The following MAPRE3 variants were observed in gnomAD, a reference collection of about 807,000 sequenced individuals.
MAPRE3 encodes microtubule associated protein RP/EB family member 3, also known as microtubule-associated protein RP/EB family member 3.
Under a neutral mutation model 30.5 loss-of-function variants are expected in MAPRE3, and 2 were observed. The ratio of observed to expected loss-of-function variants is 0.07; its 90% confidence interval spans 0.03 to 0.21. The LOEUF is 0.21. Ranked by LOEUF, MAPRE3 falls within the 10% of genes least tolerant of loss-of-function variation. The pLI, the probability that MAPRE3 is intolerant of heterozygous loss-of-function variation, is 1.00. For synonymous variants in MAPRE3, 110 were observed against 127.7 expected, an observed-to-expected ratio of 0.86 and a Z score of 0.93; for missense variants, 204 against 351.8, an observed-to-expected ratio of 0.58 and a Z score of 3.36.
intron 1 of MAPRE3, among the ~76,000 whole-genome samples, chr2:27,020,590 G>A (rs571642316): frequency 1.1e-4 from 17 of 152,204 alleles, no homozygotes; most frequent in African/African-American, 2.9e-4. Context: ...GTTTCAGTGC[G>A]GGAGCATAGG....
chr2:27,022,240 A>C lies in MAPRE3; in HGVS notation c.22A>C (p.Thr8Pro), dbSNP rs1667123838. The C allele has an allele frequency of 6.2e-7, 1 of 1,614,016 alleles. No homozygotes were observed. The highest frequency in any genetic ancestry group is 8.5e-7 in the Non-Finnish European group (1 of 1,180,034). The change falls in exon 2 of 7, where the codon ACA (threonine) becomes CCA (proline). Residue 8 changes from threonine (T) to proline (P), a missense_variant. Physicochemically the swap from Thr to Pro is conservative, Grantham distance 38. Around this residue, in one of 5 missense-constraint regions of MAPRE3, gnomAD observed 101 missense variants for 205.4 expected, o/e 0.49. Coordinates refer to ENST00000233121, the MANE Select transcript of MAPRE3 (RefSeq NM_012326.4). MAVNVYS[T>P]SVTSENLSRH... ...GGGTATGGCCGTCAATGTGTACTCC[A>C]CATCTGTGACCAGTGAAAATCTGAG...
chr2:27,001,822 C>T (rs762904095), intron 1 of MAPRE3, among the ~76,000 whole-genome samples: 4 of 152,322 alleles, frequency 2.6e-5, no homozygotes, highest in Admixed American at 2.0e-4. Context: ...TGATGCGGTG[C>T]GTGACTGTGT....
intron 1 of MAPRE3, among the ~76,000 whole-genome samples, chr2:26,976,803 T>G (rs2148195849): frequency 6.6e-6 from 1 of 152,382 alleles, no homozygotes; most frequent in Admixed American, 6.5e-5. Flanking sequence ...TGGCTTCAAA[T>G]CTGCCTTGTA....
intron 1 of MAPRE3, among the ~76,000 whole-genome samples, chr2:26,981,079 G>A (rs1452642855): frequency 6.6e-6 from 1 of 152,078 alleles, no homozygotes; most frequent in Non-Finnish European, 1.5e-5. Flanking sequence ...GGGAGGGAGA[G>A]GGTTGGTGGG....
chr2:26,973,522 G>T (rs973603882), intron 1 of MAPRE3, among the ~76,000 whole-genome samples: 1 of 151,274 alleles, frequency 6.6e-6, no homozygotes, highest in East Asian at 1.9e-4. Context: ...AGTAACATTT[G>T]TCAGAAGCCG....
intron 1 of MAPRE3, among the ~76,000 whole-genome samples, chr2:27,010,255 C>T: frequency 6.6e-6 from 1 of 152,160 alleles, no homozygotes; most frequent in East Asian, 1.9e-4. Flanking sequence ...TATATAAACA[C>T]ATTTCTTATC....
At chr2:26,981,862 G>T (rs769083386) in intron 1 of MAPRE3, among the ~76,000 whole-genome samples, 10 of 152,146 alleles carry the variant, frequency 6.6e-5, no homozygotes, top group Non-Finnish European at 1.5e-4. Context: ...CTTGACAGTC[G>T]ACTCTTAGAT....
At chr2:26,981,253 G>A (rs534214715) in intron 1 of MAPRE3, among the ~76,000 whole-genome samples, 3 of 152,070 alleles carry the variant, frequency 2.0e-5, no homozygotes, top group Non-Finnish European at 2.9e-5. Context: ...GAGTGGGGAC[G>A]GGCACCAGGA....
At chr2:27,012,333 T>A (rs2148220512) in intron 1 of MAPRE3, 1 of 152,404 alleles carries the variant, frequency 6.6e-6, no homozygotes, top group South Asian at 2.1e-4. Flanking sequence ...TCGTCCTTCC[T>A]GCACCAGTGT....
At chr2:26,978,210 T>C (rs1349476260) in intron 1 of MAPRE3, among the ~76,000 whole-genome samples, 1 of 152,222 alleles carries the variant, frequency 6.6e-6, no homozygotes, top group Non-Finnish European at 1.5e-5. Flanking sequence ...TGGTGTTCTC[T>C]GACTGGTAAG....
intron 1 of MAPRE3, among the ~76,000 whole-genome samples, chr2:26,974,089 G>A (rs571429626): frequency 1.4e-4 from 21 of 152,294 alleles, no homozygotes; most frequent in African/African-American, 5.1e-4. Context: ...TTTGTAAACT[G>A]TGTACACTAG....
intron 1 of MAPRE3, 107 bp downstream of exon 1, chr2:26,970,909 C>G (rs1665902436): frequency 6.6e-6 from 1 of 151,584 alleles, no homozygotes; most frequent in South Asian, 2.1e-4. Flanking sequence ...CCTCCCCACC[C>G]GCACTCCCGC....
chr2:26,986,174 G>A lies in MAPRE3; in HGVS notation c.-8+15372G>A, dbSNP rs1026473348. Among the ~76,000 whole-genome samples the A allele has an allele frequency of 1.3e-5, 2 of 152,152 alleles. No individual in the cohort carries two copies. The highest frequency in any genetic ancestry group is 1.3e-4 in the Admixed American group (2 of 15,264). ...TGCCCACATTCACTGGCTCCTGGCAGCGCATCACTCTGCTTCCATCATCAC... is the reference window on the plus strand; with the variant it reads ...TGCCCACATTCACTGGCTCCTGGCAACGCATCACTCTGCTTCCATCATCAC... On this transcript the variant is annotated intron_variant, in intron 1 of 6. Coordinates refer to ENST00000233121, the MANE Select transcript of MAPRE3 (RefSeq NM_012326.4). This position sits in a 1 kb window ranked among gnomAD's most constrained non-coding sequence, Gnocchi z 4.2.
At chr2:27,005,764 GA>G (rs1558380807) in intron 1 of MAPRE3, among the ~76,000 whole-genome samples, 2 of 152,214 alleles carry the variant, frequency 1.3e-5, no homozygotes, top group Non-Finnish European at 1.5e-5. Context: ...AGAAATAGGT[GA>G]GGGAGAAAGT....
intron 4 of MAPRE3, among the ~76,000 whole-genome samples, chr2:27,025,376 C>A (rs2289408): frequency 2.6e-5 from 4 of 152,234 alleles, no homozygotes; most frequent in Non-Finnish European, 5.9e-5. Context: ...CTCTCCCGGG[C>A]TCGCCAAAGG....
At position 27,024,222 on chromosome 2, in the gene MAPRE3, G is replaced by A. The variant is rs774310199; in HGVS notation, c.394G>A (p.Gly132Ser). 3 of 1,614,232 alleles carry A rather than the reference G, an allele frequency of 1.9e-6. No homozygotes were observed. The highest frequency in any genetic ancestry group is 2.2e-5 in the South Asian group (2 of 91,080). ...TTACAACCCTCTGCTGGCGCGGCAG[G>A]GCCAGGACGTAGCGCCACCTCCTAA... ...KDYNPLLARQGQDVAPPPNPG... is the reference protein window; with the variant it reads ...KDYNPLLARQSQDVAPPPNPG... Residue 132 changes from glycine to serine, a missense_variant, in exon 4 of 7, where the codon GGC (glycine) becomes AGC (serine). By Grantham distance (56) the Gly-to-Ser change is moderately conservative. This residue lies in a region of MAPRE3 where 101 missense variants were observed against 205.4 expected (regional missense o/e 0.49). Coordinates refer to ENST00000233121, the MANE Select transcript of MAPRE3 (RefSeq NM_012326.4).
Position 27,025,570 on chromosome 2 carries a change from T to C in MAPRE3, c.470-13T>C, listed in dbSNP as rs768711661. Reference sequence around the variant, plus strand: ...GCTCACGTGGACTTACCTGACTCTTTTCCTCTGGGCAGTTCCACAGAGGAC... The same window carrying C: ...GCTCACGTGGACTTACCTGACTCTTCTCCTCTGGGCAGTTCCACAGAGGAC... On this transcript the variant is annotated splice_polypyrimidine_tract_variant and intron_variant, in intron 4 of 6. Transcript: ENST00000233121. 3 of 1,552,106 alleles carry C rather than the reference T, an allele frequency of 1.9e-6. No homozygotes were observed. The highest frequency in any genetic ancestry group is 3.9e-5 in the Admixed American group (2 of 51,158).
chr2:27,007,376 C>T (rs147342782), intron 1 of MAPRE3, among the ~76,000 whole-genome samples: 2,084 of 152,226 alleles, frequency 0.014, 24 homozygotes, highest in South Asian at 0.052. Flanking sequence ...CTCATTAGCC[C>T]GGATTCTTCT....
At chr2:26,978,582 A>C (rs1666058654) in intron 1 of MAPRE3, among the ~76,000 whole-genome samples, 5 of 152,242 alleles carry the variant, frequency 3.3e-5, no homozygotes, top group Admixed American at 1.3e-4. Context: ...TGACAGGATC[A>C]CTGCTAAGTA....
Sources: gnomAD v4.1 joint callset for allele counts (sites outside exome capture counted in the v4.1 genomes callset) on GRCh38, gnomAD v4.1.1 for gene constraint, gnomAD v4.1.1 regional missense constraint, Gnocchi (gnomAD v3.1) non-coding constraint, MANE v1.5 for transcripts, NCBI Gene and HGNC (gene_info 2026-07-23, HGNC 2026-07-21) for gene names.